Variants in BMPER observed in about 807,000 individuals in gnomAD.
BMPER encodes the protein BMP-binding endothelial regulator protein.
A neutral mutation model predicts 87.3 loss-of-function variants in BMPER; 45 were observed. The ratio of observed to expected loss-of-function variants is 0.52; its 90% CI spans 0.41 to 0.66. BMPER has a LOEUF of 0.66. Ranked by LOEUF, BMPER falls within the 30% of genes least tolerant of loss-of-function variation. The probability of loss-of-function intolerance (pLI) is 0.00; values close to 1 mark genes in which losing one functional copy is unlikely to be tolerated. For missense variants in BMPER, 784 were observed against 867.5 expected (o/e 0.90, Z 1.21); for synonymous variants, 326 against 316.2 (o/e 1.03, Z -0.33).
intron 11 of BMPER, among the ~76,000 whole-genome samples, chr7:34,065,229 T>TCTCTCTCTCC (rs2127966947): frequency 6.6e-6 from 1 of 150,392 alleles, no homozygotes; most frequent in South Asian, 2.2e-4. Context: ...TCTCTCTCTC[T>TCTCTCTCTCC]CTCTCTCTCT....
intron 3 of BMPER, among the ~76,000 whole-genome samples, chr7:33,953,625 CT>C (rs1049574842): frequency 1.6e-4 from 24 of 152,102 alleles, no homozygotes; most frequent in Non-Finnish European, 3.2e-4. Context: ...CAACTGTGTT[CT>C]TTTTTATGGC....
At chr7:33,997,608 T>C (rs1786451078) in intron 6 of BMPER, among the ~76,000 whole-genome samples, 2 of 152,216 alleles carry the variant, frequency 1.3e-5, no homozygotes, top group Non-Finnish European at 2.9e-5. Flanking sequence ...CAATTAAACC[T>C]CTTTCCTCTA....
At chr7:34,129,597 AGAGAGAGAGAGAAAGAGAGAGAGAG>A (rs1790502741) in intron 13 of BMPER, among the ~76,000 whole-genome samples, 1 of 130,286 alleles carries the variant, frequency 7.7e-6, no homozygotes, top group Non-Finnish European at 1.6e-5. Flanking sequence ...AGAGAGAGAG[AGAGAGAGAGAGAAAGAGAGAGAGAG>A]AGAAAGAGAG....
chr7:34,069,612 T>G (rs553541202), intron 11 of BMPER, among the ~76,000 whole-genome samples: 11 of 152,358 alleles, frequency 7.2e-5, no homozygotes, highest in South Asian at 2.1e-4. Context: ...TTATGCACTA[T>G]TCTCTGTTCT....
At chr7:34,124,250 A>G (rs1364589586) in intron 13 of BMPER, among the ~76,000 whole-genome samples, 2 of 152,042 alleles carry the variant, frequency 1.3e-5, no homozygotes, top group Non-Finnish European at 2.9e-5. Flanking sequence ...TCCACAACTC[A>G]GCTTCCTCTG....
At chr7:33,932,336 G>T (rs1784502410) in intron 2 of BMPER, among the ~76,000 whole-genome samples, 1 of 152,216 alleles carries the variant, frequency 6.6e-6, no homozygotes, top group Non-Finnish European at 1.5e-5. Context: ...GTGCTTCATT[G>T]ACATATTGAG....
In BMPER at chr7:34,046,175, C is replaced by T. The variant is rs1035649265; in HGVS notation, c.577-131C>T. The T allele has an allele frequency of 1.9e-5, 16 of 851,096 alleles. No individual in the cohort carries two copies. In the East Asian group the frequency reaches 3.0e-4, roughly 16 times the overall value. The allele number at this position is 851,096 out of a possible 1,614,324, so 52.7% of individuals were successfully genotyped here. On this transcript the variant is annotated intron_variant, in intron 6 of 14. Coordinates refer to ENST00000649409, the MANE Select transcript of BMPER (RefSeq NM_001365308.1). ...ATCAAAGGACGCTTGGGGAAAATCACATGGGCCTGAGCAGTCAGTCTAGGG... is the reference window on the plus strand; with the variant it reads ...ATCAAAGGACGCTTGGGGAAAATCATATGGGCCTGAGCAGTCAGTCTAGGG...
rs534351147 is a variant in BMPER, at chr7:34,015,846, G to A, written c.577-30460G>A. ...GGCTCACGCTGAGAGATCTGAGCGTGTGCCTCCACCTCAGCCACAATGCTC... is the reference window on the plus strand; with the variant it reads ...GGCTCACGCTGAGAGATCTGAGCGTATGCCTCCACCTCAGCCACAATGCTC... On this transcript the variant is annotated intron_variant, in intron 6 of 14. Coordinates refer to ENST00000649409, the MANE Select transcript of BMPER (RefSeq NM_001365308.1). Among the ~76,000 whole-genome samples the A allele has an allele frequency of 2.0e-5, 3 of 151,998 alleles. No individual in the cohort carries two copies. In the East Asian group the frequency reaches 5.9e-4, roughly 30 times the overall value.
chr7:34,104,127 C>T (rs186284315), intron 13 of BMPER, among the ~76,000 whole-genome samples: 125 of 152,362 alleles, frequency 8.2e-4, no homozygotes, highest in African/African-American at 2.9e-3. Flanking sequence ...CTGTTCCTTG[C>T]TTCTCCCTGT....
At position 34,035,179 on chromosome 7, in the gene BMPER, C is replaced by T. The variant is rs180727978; in HGVS notation, c.577-11127C>T. Among the ~76,000 whole-genome samples, 7 of 152,292 alleles carry T rather than the reference C, an allele frequency of 4.6e-5. No individual in the cohort carries two copies. The South Asian group carries it at 6.2e-4, about 14-fold the overall frequency. On this transcript the variant is annotated intron_variant, in intron 6 of 14. Transcript: ENST00000649409. The stretch of plus-strand genomic sequence containing the variant: ...GTGCCGGAAACCTCTAGTCTCTCTG[C>T]GCAGTGTTCCTTGATGGAGGCCACG...
intron 6 of BMPER, among the ~76,000 whole-genome samples, chr7:33,991,777 C>T (rs1039674507): frequency 1.3e-5 from 2 of 148,806 alleles, no homozygotes; most frequent in African/African-American, 5.0e-5. Context: ...TCCCTCTACA[C>T]ACTGCTTTGA....
intron 11 of BMPER, among the ~76,000 whole-genome samples, chr7:34,065,199 A>ACACTCT (rs1298854336): frequency 1.1e-5 from 1 of 94,120 alleles, no homozygotes; most frequent in African/African-American, 3.9e-5. Flanking sequence ...ACACATACAC[A>ACACTCT]CTCACTCTCT....
At chr7:34,014,202 T>C (rs1786960630) in intron 6 of BMPER, among the ~76,000 whole-genome samples, 1 of 151,928 alleles carries the variant, frequency 6.6e-6, no homozygotes, top group African/African-American at 2.4e-5. Context: ...CATTGTGGGT[T>C]GCTGTTTTCT....
intron 13 of BMPER, among the ~76,000 whole-genome samples, chr7:34,131,318 T>C (rs1007185439): frequency 6.6e-6 from 1 of 152,120 alleles, no homozygotes; most frequent in Admixed American, 6.5e-5. Context: ...GCATTGAGTG[T>C]GAAAAGACCC....
chr7:33,905,440 C>CCCCCCCCCCCCCCCCCCCCCCCA, upstream of BMPER: 1 of 250,182 alleles, frequency 4.0e-6, no homozygotes, highest in Non-Finnish European at 7.9e-6. Flanking sequence ...TTGGTCTCTC[C>CCCCCCCCCCCCCCCCCCCCCCCA]CCCCGCCCTC....
intron 3 of BMPER, among the ~76,000 whole-genome samples, chr7:33,959,810 T>C (rs747059096): frequency 2.0e-5 from 3 of 152,250 alleles, no homozygotes; most frequent in Non-Finnish European, 4.4e-5. Flanking sequence ...TATGATACTA[T>C]AAAGTTATGC....
intron 12 of BMPER, among the ~76,000 whole-genome samples, chr7:34,080,848 C>T (rs969050737): frequency 7.2e-5 from 11 of 152,202 alleles, no homozygotes; most frequent in African/African-American, 2.7e-4. Context: ...GCTGACACAA[C>T]CTTATGGAAT....
At chr7:33,994,228 G>T (rs946036403) in intron 6 of BMPER, among the ~76,000 whole-genome samples, 26 of 152,328 alleles carry the variant, frequency 1.7e-4, no homozygotes, top group African/African-American at 6.0e-4. Flanking sequence ...CCTCGCTGCC[G>T]CCTTGCAGTG....
At chr7:33,962,173 T>G (rs564431724) in intron 3 of BMPER, among the ~76,000 whole-genome samples, 118 of 152,320 alleles carry the variant, frequency 7.7e-4, no homozygotes, top group Non-Finnish European at 1.4e-3. Context: ...AAAATGAGTT[T>G]TATTGCTTAA....
Sources: gnomAD v4.1 joint callset for allele counts (sites outside exome capture counted in the v4.1 genomes callset) on GRCh38, gnomAD v4.1.1 for gene constraint, MANE v1.5 for transcripts, NCBI Gene and HGNC (gene_info 2026-07-23, HGNC 2026-07-21) for gene names.